Variants in P2RY8 observed in about 807,000 individuals in gnomAD.
P2RY8 encodes the protein S-geranylgeranyl-glutathione receptor P2RY8.
A neutral mutation model predicts 10.0 loss-of-function variants in P2RY8; 6 were observed. The observed-to-expected ratio is 0.60, with a 90% CI of 0.33 to 1.19. The LOEUF (loss-of-function observed/expected upper bound fraction) is 1.19. Among genes scored for constraint, P2RY8 ranks in the 50% most tolerant of loss-of-function variants. The pLI is 0.04. For missense variants in P2RY8, 456 were observed against 542.0 expected (o/e 0.84, Z 1.58); for synonymous variants, 276 against 252.5 (o/e 1.09, Z -0.88).
At chrX:1,514,661 C>T (rs190226273) in intron 1 of P2RY8, among the ~76,000 whole-genome samples, 3,548 of 3,848 alleles carry the variant, frequency 0.92, 1,724 homozygotes, top group Non-Finnish European at 0.97. Context: ...CCTCCCCTCC[C>T]TTCCCTTCCC....
chrX:1,532,271 C>G lies in P2RY8; in HGVS notation c.-25+4650G>C, dbSNP rs142493613. On this transcript the variant is annotated intron_variant, in intron 1 of 1. Coordinates refer to ENST00000381297, the MANE Select transcript of P2RY8 (RefSeq NM_178129.5). ...ATAAATGCCGGCACTGACACACACA[C>G]AAACACACACACATATATGTCATAT... Among the ~76,000 whole-genome samples the G allele has an allele frequency of 3.6e-3, 541 of 150,762 alleles. 8 individuals are homozygous for G. The highest frequency in any genetic ancestry group is 0.022 in the East Asian group (113 of 5,086).
At chrX:1,522,317 G>A (rs762181228) in intron 1 of P2RY8, among the ~76,000 whole-genome samples, 5 of 151,784 alleles carry the variant, frequency 3.3e-5, no homozygotes, top group Admixed American at 6.6e-5. Context: ...CATTGTAAAC[G>A]GAATACCTCA....
Position 1,465,245 on chromosome X carries a change from G to T in P2RY8, c.*234C>A, listed in dbSNP as rs1410501611. 1.1e-5 allele frequency: 7 copies of T among 633,928 alleles called. No homozygotes were observed. Among genetic ancestry groups the T allele is most frequent in the Admixed American group, 3.3e-5 (1 of 30,702 alleles). 39.3% of individuals were successfully genotyped at this position (633,928 alleles called of 1,614,324 possible). A position where few individuals can be genotyped will look rare whatever the true frequency, so the allele number is the denominator to read the frequency against. On this transcript the variant is annotated 3_prime_UTR_variant, in exon 2 of 2. Transcript: ENST00000381297. ...CTCTGCAGGATAACAAGCACCCTGTGCGCTGCTGGGCTTTGCTTGTTTCTC... is the reference window on the plus strand; with the variant it reads ...CTCTGCAGGATAACAAGCACCCTGTTCGCTGCTGGGCTTTGCTTGTTTCTC...
chrX:1,495,718 A>T (rs368470135), intron 1 of P2RY8, among the ~76,000 whole-genome samples: 9,539 of 84,630 alleles, frequency 0.11, 1,345 homozygotes, highest in Admixed American at 0.22. Flanking sequence ...CAGGGAGAAG[A>T]CGGCGTCTCC....
intron 1 of P2RY8, among the ~76,000 whole-genome samples, chrX:1,489,277 G>C (rs763861304): frequency 3.1e-4 from 47 of 150,340 alleles, no homozygotes; most frequent in African/African-American, 1.1e-3. Flanking sequence ...GACACCTAAG[G>C]ATTCCCTACA....
intron 1 of P2RY8, among the ~76,000 whole-genome samples, chrX:1,523,569 G>A (rs1172091908): frequency 6.6e-6 from 1 of 152,140 alleles, no homozygotes; most frequent in African/African-American, 2.4e-5. Context: ...ATAGGTACAG[G>A]TCTCCTTCTG....
intron 1 of P2RY8, among the ~76,000 whole-genome samples, chrX:1,514,624 C>T (rs111221443): frequency 0.94 from 7,446 of 7,940 alleles, 3,600 homozygotes; most frequent in Middle Eastern, 1. Context: ...CCCTTCCCTT[C>T]CTTTTCCTTT....
chrX:1,535,067 T>G (rs192884283), intron 1 of P2RY8, among the ~76,000 whole-genome samples: 5,221 of 151,116 alleles, frequency 0.035, 280 homozygotes, highest in African/African-American at 0.12. Context: ...TGTCCTCTTG[T>G]GGGGTGGGGG....
At chrX:1,478,246 C>CGTGTGTGTGTGTGTGTGT (rs1389734508) in intron 1 of P2RY8, among the ~76,000 whole-genome samples, 63 of 141,220 alleles carry the variant, frequency 4.5e-4, no homozygotes, top group East Asian at 6.0e-4. Context: ...TGCTGGCAGG[C>CGTGTGTGTGTGTGTGTGT]GTATGTGTGT....
intron 1 of P2RY8, among the ~76,000 whole-genome samples, chrX:1,492,091 G>A (rs1376857045): frequency 6.6e-6 from 1 of 152,158 alleles, no homozygotes; most frequent in Non-Finnish European, 1.5e-5. Context: ...GTCACTCCCT[G>A]TCTGGGCTGT....
chrX:1,463,672 T>C lies in P2RY8; in HGVS notation c.*1807A>G, dbSNP rs2091619653. On this transcript the variant is annotated 3_prime_UTR_variant, in exon 2 of 2. Coordinates refer to ENST00000381297, the MANE Select transcript of P2RY8 (RefSeq NM_178129.5). ...GACATGTCTTTCTGGGGCAACTGTTTAGTGCACTCTGCAATTGTATCCAGT... is the reference window on the plus strand; with the variant it reads ...GACATGTCTTTCTGGGGCAACTGTTCAGTGCACTCTGCAATTGTATCCAGT... The C allele has an allele frequency of 4.3e-6, 1 of 232,090 alleles. No homozygotes were observed. The highest frequency in any genetic ancestry group is 8.5e-6 in the Non-Finnish European group (1 of 117,670). 14.4% of individuals were successfully genotyped at this position (232,090 alleles called of 1,614,324 possible). A position where few individuals can be genotyped will look rare whatever the true frequency, so the allele number is the denominator to read the frequency against.
intron 1 of P2RY8, among the ~76,000 whole-genome samples, chrX:1,509,781 C>CT (rs1204139625): frequency 0.2 from 18,092 of 90,516 alleles, 2,926 homozygotes; most frequent in Non-Finnish European, 0.28. Flanking sequence ...ATCTATCTAT[C>CT]ATCTATGTAT....
At chrX:1,513,274 T>C (rs1383326763) in intron 1 of P2RY8, among the ~76,000 whole-genome samples, 1 of 151,870 alleles carries the variant, frequency 6.6e-6, no homozygotes, top group Non-Finnish European at 1.5e-5. Flanking sequence ...CTATCATTGA[T>C]GGGCATTTGG....
chrX:1,487,342 G>C (rs1181146953), intron 1 of P2RY8, among the ~76,000 whole-genome samples: 2 of 152,180 alleles, frequency 1.3e-5, no homozygotes, highest in Non-Finnish European at 2.9e-5. Flanking sequence ...CCTGTTCTTA[G>C]AGCAGACGTC....
intron 1 of P2RY8, among the ~76,000 whole-genome samples, chrX:1,523,654 C>A (rs1224372455): frequency 1.3e-5 from 2 of 151,980 alleles, no homozygotes; most frequent in Non-Finnish European, 2.9e-5. Flanking sequence ...AATACCACTG[C>A]GTTGTATTGA....
chrX:1,465,410 C>T lies in P2RY8; in HGVS notation c.*69G>A, dbSNP rs1569536178. The T allele has an allele frequency of 2.6e-6, 4 of 1,527,672 alleles. No individual in the cohort carries two copies. The highest frequency in any genetic ancestry group is 3.5e-6 in the Non-Finnish European group (4 of 1,145,344). The allele number at this position is 1,527,672 out of a possible 1,614,324, so 94.6% of individuals were successfully genotyped here. ...GCTGTTCTCCCTGAACCTCTGGCAC[C>T]GTGGCCTCTCCATGCGCCCCTGGAT... is the stretch of plus-strand genomic sequence containing the variant. On this transcript the variant is annotated 3_prime_UTR_variant, in exon 2 of 2. Transcript: ENST00000381297.
chrX:1,529,194 CAT>C (rs1161210693), intron 1 of P2RY8, among the ~76,000 whole-genome samples: 2 of 152,150 alleles, frequency 1.3e-5, no homozygotes, highest in Non-Finnish European at 2.9e-5. Flanking sequence ...TTAATCTACA[CAT>C]GTGTGGCTTG....
chrX:1,464,450 G>C lies in P2RY8; in HGVS notation c.*1029C>G. ...GGTCTCCAAACGGTCTCATGGGTCA[G>C]GCCAGTTGCCTGCTTCCTGGACTCC... On this transcript the variant is annotated 3_prime_UTR_variant, in exon 2 of 2. Coordinates refer to ENST00000381297, the MANE Select transcript of P2RY8 (RefSeq NM_178129.5). 1 of 233,364 alleles carries C rather than the reference G, an allele frequency of 4.3e-6. No homozygotes were observed. Among genetic ancestry groups the C allele is most frequent in the South Asian group, 1.8e-4 (1 of 5,530 alleles). The allele number at this position is 233,364 out of a possible 1,614,324, so 14.5% of individuals were successfully genotyped here.
intron 1 of P2RY8, among the ~76,000 whole-genome samples, chrX:1,501,922 A>T (rs73628526): frequency 0.038 from 5,638 of 148,552 alleles, 339 homozygotes; most frequent in African/African-American, 0.13. Flanking sequence ...TATTATTATT[A>T]TTTTTTGAGA....
Sources: gnomAD v4.1 joint callset for allele counts (sites outside exome capture counted in the v4.1 genomes callset) on GRCh38, gnomAD v4.1.1 for gene constraint, MANE v1.5 for transcripts, NCBI Gene and HGNC (gene_info 2026-07-23, HGNC 2026-07-21) for gene names.